The following AGBL4 variants were observed in gnomAD, a reference collection of about 807,000 sequenced individuals.
AGBL4 encodes cytosolic carboxypeptidase 6.
Under a neutral mutation model 66.4 loss-of-function variants are expected in AGBL4, and 58 were observed. The observed-to-expected ratio is 0.87, with a 90% CI of 0.71 to 1.09. The LOEUF is 1.09. Ranked by LOEUF, AGBL4 falls within the 50% of genes least tolerant of loss-of-function variation. AGBL4 has a pLI of 0.00. For missense variants in AGBL4, 579 were observed against 631.0 expected, an observed-to-expected ratio of 0.92 and a Z score of 0.88; for synonymous variants, 234 against 222.9, an observed-to-expected ratio of 1.05 and a Z score of -0.44.
At chr1:49,384,937 C>A (rs1400424126) in intron 3 of AGBL4, among the ~76,000 whole-genome samples, 1 of 152,128 alleles carries the variant, frequency 6.6e-6, no homozygotes, top group African/African-American at 2.4e-5. Context: ...TCATAATAGG[C>A]AACATGCACA....
intron 5 of AGBL4, among the ~76,000 whole-genome samples, chr1:48,903,376 A>G (rs1652280161): frequency 6.6e-6 from 1 of 152,224 alleles, no homozygotes; most frequent in African/African-American, 2.4e-5. Flanking sequence ...TTTGAGCCTC[A>G]GGCTTTGCTT....
intron 3 of AGBL4, among the ~76,000 whole-genome samples, chr1:49,362,873 A>G (rs1202386879): frequency 6.6e-6 from 1 of 152,194 alleles, no homozygotes; most frequent in African/African-American, 2.4e-5. Flanking sequence ...ATGTCTTTTC[A>G]ACATTAATTG....
chr1:49,720,267 G>A (rs1648497568), intron 2 of AGBL4, among the ~76,000 whole-genome samples: 1 of 152,106 alleles, frequency 6.6e-6, no homozygotes, highest in Non-Finnish European at 1.5e-5. Flanking sequence ...GCTCATTAGA[G>A]CATTTTGGTT....
At chr1:49,947,972 ATT>A (rs1469547632) in intron 1 of AGBL4, among the ~76,000 whole-genome samples, 5 of 74,424 alleles carry the variant, frequency 6.7e-5, no homozygotes, top group Admixed American at 2.0e-4. Flanking sequence ...AAATATATAT[ATT>A]TATAAATATA....
intron 3 of AGBL4, among the ~76,000 whole-genome samples, chr1:49,376,180 C>T (rs757543631): frequency 6.6e-6 from 1 of 152,044 alleles, no homozygotes; most frequent in African/African-American, 2.4e-5. Context: ...CATTTCATAC[C>T]TTTATGCCTT....
At chr1:49,918,551 C>A (rs1571869718) in intron 1 of AGBL4, among the ~76,000 whole-genome samples, 1 of 152,110 alleles carries the variant, frequency 6.6e-6, no homozygotes, top group Non-Finnish European at 1.5e-5. Context: ...AGTTGAATCC[C>A]TGAATAGACC....
At chr1:48,917,699 T>C (rs61786028) in intron 5 of AGBL4, among the ~76,000 whole-genome samples, 54,112 of 152,188 alleles carry the variant, frequency 0.36, 12,172 homozygotes, top group Non-Finnish European at 0.5. Flanking sequence ...TTGATATAGA[T>C]GCTGTTAGCT....
At chr1:48,806,867 G>A (rs1645935688) in intron 6 of AGBL4, among the ~76,000 whole-genome samples, 1 of 152,186 alleles carries the variant, frequency 6.6e-6, no homozygotes, top group South Asian at 2.1e-4. Context: ...AACAGCGAGG[G>A]TTACCATATG....
intron 3 of AGBL4, among the ~76,000 whole-genome samples, chr1:49,326,195 C>T: frequency 6.6e-6 from 1 of 152,206 alleles, no homozygotes; most frequent in East Asian, 1.9e-4. Flanking sequence ...AATAAATTTT[C>T]TGAGATTTTG....
intron 5 of AGBL4, among the ~76,000 whole-genome samples, chr1:48,958,188 CTCTTCT>C (rs1657656322): frequency 6.6e-6 from 1 of 152,182 alleles, no homozygotes; most frequent in East Asian, 1.9e-4. Flanking sequence ...CACTCTCTTC[CTCTTCT>C]TCATGTGCCA....
At chr1:48,926,942 T>C (rs1391814103) in intron 5 of AGBL4, among the ~76,000 whole-genome samples, 1 of 152,170 alleles carries the variant, frequency 6.6e-6, no homozygotes, top group Admixed American at 6.5e-5. Flanking sequence ...GATGGAGATG[T>C]GAGTCTAAGA....
intron 5 of AGBL4, among the ~76,000 whole-genome samples, chr1:48,974,456 T>C (rs554094260): frequency 6.6e-6 from 1 of 152,146 alleles, no homozygotes; most frequent in South Asian, 2.1e-4. Flanking sequence ...GGGAGAAGTG[T>C]ACAACTTAGT....
At chr1:49,782,804 T>G (rs974985783) in intron 2 of AGBL4, among the ~76,000 whole-genome samples, 2 of 152,182 alleles carry the variant, frequency 1.3e-5, no homozygotes, top group African/African-American at 4.8e-5. Context: ...TTGCACTCTC[T>G]TTGCCCTTCT....
chr1:48,624,389 T>C (rs1645464584), intron 9 of AGBL4, among the ~76,000 whole-genome samples: 1 of 152,220 alleles, frequency 6.6e-6, no homozygotes, highest in Non-Finnish European at 1.5e-5. Flanking sequence ...GAGTGCCTAC[T>C]AAGTGTTGGA....
chr1:49,590,590 T>C (rs1209834704), intron 3 of AGBL4, among the ~76,000 whole-genome samples: 2 of 152,030 alleles, frequency 1.3e-5, no homozygotes, highest in East Asian at 3.8e-4. Context: ...TTCAAAAGTT[T>C]TACGTAAGAG....
intron 3 of AGBL4, among the ~76,000 whole-genome samples, chr1:49,259,014 A>G (rs1022461026): frequency 2.0e-5 from 3 of 152,212 alleles, no homozygotes; most frequent in African/African-American, 7.2e-5. Flanking sequence ...ACATTCTTAA[A>G]GAAAATAATT....
At chr1:49,207,531 CTTT>C (rs1173336021) in intron 4 of AGBL4, among the ~76,000 whole-genome samples, 7 of 103,070 alleles carry the variant, frequency 6.8e-5, no homozygotes, top group Admixed American at 2.9e-4. Flanking sequence ...TTCTCTCTTT[CTTT>C]TTCTTTCTTT....
chr1:48,625,090 CTCCT>C (rs66798647), intron 9 of AGBL4, among the ~76,000 whole-genome samples: 10,502 of 140,252 alleles, frequency 0.075, 451 homozygotes, highest in East Asian at 0.1. Context: ...TTTTTTCTTT[CTCCT>C]TCCTTCCTTC....
chr1:49,880,828 G>A (rs6659830), intron 1 of AGBL4, among the ~76,000 whole-genome samples: 102,576 of 149,676 alleles, frequency 0.69, 36,094 homozygotes, highest in African/African-American at 0.78. Flanking sequence ...TGGGCGTAGG[G>A]CCCTCCGAGC....
Sources: gnomAD v4.1 joint callset for allele counts (sites outside exome capture counted in the v4.1 genomes callset) on GRCh38, gnomAD v4.1.1 for gene constraint, MANE v1.5 for transcripts, NCBI Gene and HGNC (gene_info 2026-07-23, HGNC 2026-07-21) for gene names.